TMEM232: variants seen among roughly 807,000 people sequenced by gnomAD.
TMEM232 encodes transmembrane protein 232.
In TMEM232, 80 loss-of-function variants were observed where a neutral mutation model predicts 78.8. The ratio of observed to expected loss-of-function variants is 1.01; its 90% CI spans 0.85 to 1.22. The LOEUF is 1.22. Among genes scored for constraint, TMEM232 ranks in the 50% most tolerant of loss-of-function variants. The pLI, the probability that TMEM232 is intolerant of heterozygous loss-of-function variation, is 0.00. For missense variants in TMEM232, 881 were observed against 742.2 expected (o/e 1.19, Z -2.17); for synonymous variants, 297 against 254.3 (o/e 1.17, Z -1.60).
At chr5:110,728,336 T>A (rs114964855), upstream of TMEM232, among the ~76,000 whole-genome samples, 1,000 of 151,918 alleles carry the variant, frequency 6.6e-3, 11 homozygotes, top group African/African-American at 0.023. Context: ...AGAAAAAGCA[T>A]AAAATTTATA....
intron 12 of TMEM232, among the ~76,000 whole-genome samples, chr5:110,483,490 A>G (rs950171061): frequency 1.3e-5 from 2 of 152,142 alleles, no homozygotes; most frequent in Admixed American, 6.6e-5. Flanking sequence ...TCAGCAAACT[A>G]TCACAAGGAC....
chr5:110,468,929 T>C (rs779750937), intron 12 of TMEM232, among the ~76,000 whole-genome samples: 4 of 151,908 alleles, frequency 2.6e-5, no homozygotes, highest in South Asian at 2.1e-4. Context: ...TCTAGAAACA[T>C]AGAGAACAAA....
At chr5:110,643,421 T>C (rs1236555058) in intron 2 of TMEM232, among the ~76,000 whole-genome samples, 3 of 151,944 alleles carry the variant, frequency 2.0e-5, no homozygotes, top group African/African-American at 7.3e-5. Flanking sequence ...ATGGATCCCA[T>C]AGGGAAAATG....
chr5:110,520,717 G>A (rs6889403), intron 12 of TMEM232, among the ~76,000 whole-genome samples: 22,476 of 151,892 alleles, frequency 0.15, 2,051 homozygotes, highest in African/African-American at 0.25. Flanking sequence ...ATCGGTGGTC[G>A]AGACCAACTT....
intron 10 of TMEM232, among the ~76,000 whole-genome samples, chr5:110,595,409 C>G (rs6875167): frequency 6.6e-6 from 1 of 151,852 alleles, no homozygotes; most frequent in Non-Finnish European, 1.5e-5. Flanking sequence ...GGCACAAAAC[C>G]GTATGAAGAA....
intron 12 of TMEM232, among the ~76,000 whole-genome samples, chr5:110,437,204 CTAT>C (rs1200292863): frequency 6.6e-6 from 1 of 151,562 alleles, no homozygotes; most frequent in Non-Finnish European, 1.5e-5. Flanking sequence ...TTATTTGTAG[CTAT>C]TATTAATGGG....
intron 12 of TMEM232, among the ~76,000 whole-genome samples, chr5:110,459,716 T>G (rs1056319722): frequency 3.3e-5 from 5 of 152,152 alleles, no homozygotes; most frequent in African/African-American, 1.2e-4. Flanking sequence ...AGTTAATTAC[T>G]AAGGGAATAT....
chr5:110,623,977 A>C (rs1426256435), intron 7 of TMEM232, among the ~76,000 whole-genome samples: 1 of 152,150 alleles, frequency 6.6e-6, no homozygotes. Flanking sequence ...ATTCAGGCTG[A>C]GCTGTACAGC....
In TMEM232 at chr5:110,520,037, G is replaced by GTATA. The variant is rs778212998; in HGVS notation, c.1703+8547_1703+8550dup. Among the ~76,000 whole-genome samples, 19 of 148,324 alleles carry GTATA rather than the reference G, an allele frequency of 1.3e-4. No individual in the cohort carries two copies. The Middle Eastern group carries it at 0.014, about 111-fold the overall frequency. On this transcript the variant is annotated intron_variant, in intron 12 of 13. Coordinates refer to ENST00000455884, the MANE Select transcript of TMEM232 (RefSeq NM_001039763.4). ...AGGGTTAATGGTTTTATATATTTAT[G>GTATA]TATATATATATATAGAGAGAGAGAG...
chr5:110,682,308 A>G (rs550810075), intron 1 of TMEM232, among the ~76,000 whole-genome samples: 22 of 152,330 alleles, frequency 1.4e-4, no homozygotes, highest in Non-Finnish European at 2.6e-4. Flanking sequence ...CATTAAGTGA[A>G]TAAAAATGAT....
intron 8 of TMEM232, among the ~76,000 whole-genome samples, chr5:110,617,389 A>T (rs1783070435): frequency 6.6e-6 from 1 of 152,042 alleles, no homozygotes; most frequent in African/African-American, 2.4e-5. Flanking sequence ...AAAAAAATAT[A>T]TTTTGAAATT....
At chr5:110,396,338 A>C (rs111543188) in intron 3 of TMEM232, among the ~76,000 whole-genome samples, 1,580 of 152,316 alleles carry the variant, frequency 0.01, 10 homozygotes, top group Non-Finnish European at 0.016. Flanking sequence ...GTGGGGACAC[A>C]AAACCAAACC....
chr5:110,734,479 T>C (rs1363115126), intron 2 of TMEM232, among the ~76,000 whole-genome samples: 1 of 152,208 alleles, frequency 6.6e-6, no homozygotes, highest in African/African-American at 2.4e-5. Context: ...CATGAGGCTA[T>C]GACAAGGGTA....
At chr5:110,703,699 G>A (rs901857972) in intron 1 of TMEM232, among the ~76,000 whole-genome samples, 7 of 152,026 alleles carry the variant, frequency 4.6e-5, no homozygotes, top group Non-Finnish European at 7.4e-5. Flanking sequence ...CTCCCTCTTG[G>A]GGAATTCCTT....
At chr5:110,401,551 T>C (rs577281390) in intron 2 of TMEM232, among the ~76,000 whole-genome samples, 16 of 152,192 alleles carry the variant, frequency 1.1e-4, no homozygotes, top group Non-Finnish European at 1.9e-4. Context: ...TGGGAATTTA[T>C]TTTATGCTGT....
chr5:110,426,116 G>GCCTTTCTCTTTCT (rs1757205324), intron 12 of TMEM232, among the ~76,000 whole-genome samples: 2 of 151,942 alleles, frequency 1.3e-5, no homozygotes, highest in South Asian at 4.2e-4. Context: ...TTTCTCTTAT[G>GCCTTTCTCTTTCT]CCTTTCTCTT....
intron 2 of TMEM232, among the ~76,000 whole-genome samples, chr5:110,401,001 A>G (rs1345448418): frequency 1.3e-5 from 2 of 151,982 alleles, no homozygotes; most frequent in African/African-American, 4.8e-5. Context: ...AAAGCAATGT[A>G]TATCAAAACA....
At chr5:110,405,754 T>G (rs1580564777) in intron 2 of TMEM232, among the ~76,000 whole-genome samples, 1 of 142,436 alleles carries the variant, frequency 7.0e-6, no homozygotes, top group South Asian at 2.2e-4. Context: ...AAGGAAAAAG[T>G]AAACAGGCCA....
intron 8 of TMEM232, among the ~76,000 whole-genome samples, chr5:110,610,789 A>G (rs1008787079): frequency 3.3e-5 from 5 of 152,150 alleles, no homozygotes; most frequent in African/African-American, 1.2e-4. Context: ...TTAAACAAAA[A>G]ATAAACACTG....
Sources: allele counts gnomAD v4.1 joint callset (sites outside exome capture counted in the v4.1 genomes callset), GRCh38; gene constraint gnomAD v4.1.1; transcripts MANE v1.5; gene names NCBI Gene and HGNC (gene_info 2026-07-23, HGNC 2026-07-21).